CAMKMT: variants seen among roughly 807,000 people sequenced by gnomAD.
CAMKMT encodes the protein CaM KMT.
In CAMKMT, 53 loss-of-function variants were observed where a neutral mutation model predicts 48.0. The observed-to-expected ratio is 1.10, with a 90% CI of 0.89 to 1.39. CAMKMT has a LOEUF of 1.39. Ranked by LOEUF, CAMKMT falls within the 40% of genes most tolerant of loss-of-function variation. CAMKMT has a pLI of 0.00. For synonymous variants in CAMKMT, 165 were observed against 152.3 expected (o/e 1.08, Z -0.61); for missense variants, 428 against 402.7 (o/e 1.06, Z -0.54).
chr2:44,621,137 G>T (rs909813449), intron 3 of CAMKMT, among the ~76,000 whole-genome samples: 5 of 151,494 alleles, frequency 3.3e-5, no homozygotes, highest in African/African-American at 1.2e-4. Flanking sequence ...GCGTGGTGAT[G>T]GGCGCTTGTA....
chr2:44,449,649 T>G (rs930269456), intron 3 of CAMKMT, among the ~76,000 whole-genome samples: 6 of 152,218 alleles, frequency 3.9e-5, no homozygotes, highest in African/African-American at 1.4e-4. Flanking sequence ...ATAATTTCTT[T>G]CTTCAATGTT....
At chr2:44,531,584 T>C (rs553389784) in intron 3 of CAMKMT, among the ~76,000 whole-genome samples, 18 of 152,284 alleles carry the variant, frequency 1.2e-4, no homozygotes, top group African/African-American at 4.1e-4. Flanking sequence ...AATACTTTGT[T>C]CTGGTCATGT....
chr2:44,597,335 G>C (rs1437345350), intron 3 of CAMKMT, among the ~76,000 whole-genome samples: 1 of 152,038 alleles, frequency 6.6e-6, no homozygotes, highest in Non-Finnish European at 1.5e-5. Flanking sequence ...CTTCCATTTT[G>C]GTTTACTAAA....
intron 3 of CAMKMT, among the ~76,000 whole-genome samples, chr2:44,445,645 GTTTTTTTTTTTTTTTTTTTTTT>G (rs869258613): frequency 0.64 from 65,072 of 101,454 alleles, 20,734 homozygotes; most frequent in Admixed American, 0.72. Flanking sequence ...CAAAAGGGTA[GTTTTTTTTTTTTTTTTTTTTTT>G]TTTTTTTTTT....
chr2:44,398,138 A>G lies in CAMKMT; in HGVS notation c.376+7833A>G, dbSNP rs113566191. ...TTTGTAAGTACTGTCCCGTTTAATAATCTTAACGTCTTTACAAGGGGTGAG... is the reference window on the plus strand; with the variant it reads ...TTTGTAAGTACTGTCCCGTTTAATAGTCTTAACGTCTTTACAAGGGGTGAG... On this transcript the variant is annotated intron_variant, in intron 3 of 10. Coordinates refer to ENST00000378494, the MANE Select transcript of CAMKMT (RefSeq NM_024766.5). Among the ~76,000 whole-genome samples, 268 of 152,314 alleles carry G rather than the reference A, an allele frequency of 1.8e-3. No individual in the cohort carries two copies. In the Middle Eastern group the frequency reaches 0.027, roughly 15 times the overall value.
At chr2:44,455,217 G>A (rs1667496888) in intron 3 of CAMKMT, among the ~76,000 whole-genome samples, 1 of 152,188 alleles carries the variant, frequency 6.6e-6, no homozygotes, top group African/African-American at 2.4e-5. Context: ...AAGTAGGACT[G>A]GGGATTCCAG....
intron 1 of CAMKMT, among the ~76,000 whole-genome samples, chr2:44,364,936 A>T (rs1216380642): frequency 6.6e-6 from 1 of 152,252 alleles, no homozygotes; most frequent in Non-Finnish European, 1.5e-5. Flanking sequence ...TGGCCAAAGT[A>T]AGATATTTGG....
At chr2:44,706,222 A>G (rs192629469) in intron 4 of CAMKMT, 65 bp from the exon 5 acceptor site, 149 of 1,540,954 alleles carry the variant, frequency 9.7e-5, no homozygotes, top group Admixed American at 1.8e-4. Flanking sequence ...CTTGTAACAT[A>G]TATCTCTCTC....
chr2:44,534,968 G>A (rs887893518), intron 3 of CAMKMT, among the ~76,000 whole-genome samples: 1 of 151,722 alleles, frequency 6.6e-6, no homozygotes, highest in Non-Finnish European at 1.5e-5. Flanking sequence ...ATATAAAGTT[G>A]ATAAATGGCT....
intron 3 of CAMKMT, among the ~76,000 whole-genome samples, chr2:44,447,694 A>T (rs1239161884): frequency 6.6e-6 from 1 of 152,246 alleles, no homozygotes; most frequent in Non-Finnish European, 1.5e-5. Flanking sequence ...ATGTTTTCAC[A>T]TCTTATTGGC....
At chr2:44,734,731 T>G (rs1284614397) in intron 7 of CAMKMT, among the ~76,000 whole-genome samples, 1 of 152,164 alleles carries the variant, frequency 6.6e-6, no homozygotes. Context: ...ATTTTTTGTA[T>G]GACTAGAATC....
At chr2:44,441,093 C>G (rs1329216058) in intron 3 of CAMKMT, among the ~76,000 whole-genome samples, 2 of 152,116 alleles carry the variant, frequency 1.3e-5, no homozygotes, top group East Asian at 3.8e-4. Flanking sequence ...TCCTTTGGTT[C>G]CTCTTCCTTA....
Position 44,658,558 on chromosome 2 carries a change from T to C in CAMKMT, c.377-45725T>C, listed in dbSNP as rs538963390. Among the ~76,000 whole-genome samples the C allele has an allele frequency of 3.3e-5, 5 of 152,306 alleles. No homozygotes were observed. The East Asian group carries it at 9.6e-4, about 29-fold the overall frequency. ...TAGCAAAGCGGTTGAGATGCATACTTTGGAGTCAGACAGACTCCAGTTCAC... is the reference window on the plus strand; with the variant it reads ...TAGCAAAGCGGTTGAGATGCATACTCTGGAGTCAGACAGACTCCAGTTCAC... On this transcript the variant is annotated intron_variant, in intron 3 of 10. Coordinates refer to ENST00000378494, the MANE Select transcript of CAMKMT (RefSeq NM_024766.5).
chr2:44,571,838 G>C (rs1668922577), intron 3 of CAMKMT, among the ~76,000 whole-genome samples: 1 of 152,056 alleles, frequency 6.6e-6, no homozygotes. Flanking sequence ...AACTAAAAAA[G>C]AGACAAAACA....
At chr2:44,573,348 T>C (rs1669028157) in intron 3 of CAMKMT, among the ~76,000 whole-genome samples, 1 of 152,094 alleles carries the variant, frequency 6.6e-6, no homozygotes, top group South Asian at 2.1e-4. Context: ...AGATATATGA[T>C]TTGCAAATAT....
At chr2:44,668,730 TA>T (rs1313917699) in intron 3 of CAMKMT, among the ~76,000 whole-genome samples, 1 of 152,212 alleles carries the variant, frequency 6.6e-6, no homozygotes, top group African/African-American at 2.4e-5. Context: ...CTCCACTGCT[TA>T]AGTAACCACT....
At chr2:44,592,011 A>C (rs1670316768) in intron 3 of CAMKMT, among the ~76,000 whole-genome samples, 1 of 151,620 alleles carries the variant, frequency 6.6e-6, no homozygotes, top group African/African-American at 2.4e-5. Context: ...GGAATTGAGC[A>C]ATGAGAACAC....
At chr2:44,656,203 G>A (rs551233055) in intron 3 of CAMKMT, among the ~76,000 whole-genome samples, 2 of 152,282 alleles carry the variant, frequency 1.3e-5, no homozygotes, top group Admixed American at 6.5e-5. Flanking sequence ...CTTGAAGAAA[G>A]TAAGGGAATG....
intron 3 of CAMKMT, among the ~76,000 whole-genome samples, chr2:44,412,815 C>A (rs925759278): frequency 1.3e-5 from 2 of 152,044 alleles, no homozygotes; most frequent in East Asian, 1.9e-4. Context: ...GTGGCTCACG[C>A]CTGTAATCCC....
Sources: gnomAD v4.1 joint callset for allele counts (sites outside exome capture counted in the v4.1 genomes callset) on GRCh38, gnomAD v4.1.1 for gene constraint, MANE v1.5 for transcripts, NCBI Gene and HGNC (gene_info 2026-07-23, HGNC 2026-07-21) for gene names.